DIAPH3: variants seen among roughly 807,000 people sequenced by gnomAD.
DIAPH3 encodes protein diaphanous homolog 3.
A neutral mutation model predicts 144.3 loss-of-function variants in DIAPH3; 117 were observed. The ratio of observed to expected loss-of-function variants is 0.81; its 90% CI spans 0.70 to 0.95. DIAPH3 has a LOEUF of 0.95. Among genes scored for constraint, DIAPH3 ranks in the 40% least tolerant of loss-of-function variants. DIAPH3 has a pLI of 0.00. For synonymous variants in DIAPH3, 519 were observed against 488.9 expected (o/e 1.06, Z -0.81); for missense variants, 1,421 against 1,412.7 (o/e 1.01, Z -0.09).
At position 59,906,368 on chromosome 13, in the gene DIAPH3, C is replaced by T. The variant is rs150957660; in HGVS notation, c.2367+5367G>A. Among the ~76,000 whole-genome samples the T allele has an allele frequency of 9.2e-5, 14 of 152,076 alleles. No homozygotes were observed. The East Asian group carries it at 2.5e-3, about 27-fold the overall frequency. ...GAACATGCATACATTGGTAAATACACAGAAATGGAATTAGAAGTACAACAG... is the reference window on the plus strand; with the variant it reads ...GAACATGCATACATTGGTAAATACATAGAAATGGAATTAGAAGTACAACAG... On this transcript the variant is annotated intron_variant, in intron 20 of 27. Coordinates refer to ENST00000400324, the MANE Select transcript of DIAPH3 (RefSeq NM_001042517.2).
intron 5 of DIAPH3, among the ~76,000 whole-genome samples, chr13:60,029,429 C>T (rs1368285614): frequency 6.6e-6 from 1 of 152,140 alleles, no homozygotes; most frequent in Non-Finnish European, 1.5e-5. Context: ...ACCCAAATCT[C>T]ACCTCAAATT....
intron 27 of DIAPH3, among the ~76,000 whole-genome samples, chr13:59,728,745 A>G (rs1192524940): frequency 2.0e-5 from 3 of 152,178 alleles, no homozygotes; most frequent in Non-Finnish European, 4.4e-5. Flanking sequence ...GATATATTTA[A>G]CTTTTACCAA....
chr13:60,101,225 C>T (rs2058258544), intron 3 of DIAPH3, among the ~76,000 whole-genome samples: 1 of 152,162 alleles, frequency 6.6e-6, no homozygotes, highest in South Asian at 2.1e-4. Context: ...TGTAAGTTGA[C>T]CATGGTTCTT....
intron 4 of DIAPH3, among the ~76,000 whole-genome samples, chr13:60,077,833 G>A (rs189353866): frequency 7.0e-4 from 106 of 152,074 alleles, no homozygotes; most frequent in Non-Finnish European, 1.1e-3. Flanking sequence ...CTAAATATAC[G>A]CCCCATTATC....
At position 59,855,792 on chromosome 13, in the gene DIAPH3, A is replaced by G. The variant is rs528009888; in HGVS notation, c.2737+5615T>C. On this transcript the variant is annotated intron_variant, in intron 22 of 27. Coordinates refer to ENST00000400324, the MANE Select transcript of DIAPH3 (RefSeq NM_001042517.2). The stretch of plus-strand genomic sequence containing the variant: ...CTTACTTTTGGAAAGGTGTCAAGAG[A>G]TAACTCAGAGTGTTACTAATGTTTA... Among the ~76,000 whole-genome samples the G allele has an allele frequency of 2.0e-5, 3 of 152,072 alleles. No homozygotes were observed. The East Asian group carries it at 5.8e-4, about 29-fold the overall frequency.
At chr13:59,854,528 T>C (rs2043156088) in intron 22 of DIAPH3, among the ~76,000 whole-genome samples, 1 of 152,184 alleles carries the variant, frequency 6.6e-6, no homozygotes, top group African/African-American at 2.4e-5. Flanking sequence ...TTGCCATTAA[T>C]GTGTTTGCTC....
At chr13:60,117,054 A>C (rs2058721917) in intron 2 of DIAPH3, among the ~76,000 whole-genome samples, 1 of 152,074 alleles carries the variant, frequency 6.6e-6, no homozygotes, top group Admixed American at 6.5e-5. Flanking sequence ...CAAAGGAAAA[A>C]AATCAGCCAT....
chr13:60,088,644 C>T (rs919420410), intron 4 of DIAPH3, among the ~76,000 whole-genome samples: 1 of 152,110 alleles, frequency 6.6e-6, no homozygotes, highest in East Asian at 1.9e-4. Flanking sequence ...GGGAGGGGGA[C>T]AGGGTCTCAC....
At chr13:59,946,649 G>A (rs2048810816) in intron 17 of DIAPH3, among the ~76,000 whole-genome samples, 1 of 152,132 alleles carries the variant, frequency 6.6e-6, no homozygotes, top group Non-Finnish European at 1.5e-5. Flanking sequence ...TGTTGCTGAT[G>A]AGTACTGGCC....
At chr13:59,839,219 G>T in intron 23 of DIAPH3, 105 bp downstream of exon 23, 1 of 1,367,816 alleles carries the variant, frequency 7.3e-7, no homozygotes, top group Non-Finnish European at 1.0e-6. Context: ...TCTGTAATTT[G>T]GCACTACAGA....
At chr13:59,775,973 GC>G (rs1329951652) in intron 25 of DIAPH3, among the ~76,000 whole-genome samples, 1 of 152,160 alleles carries the variant, frequency 6.6e-6, no homozygotes, top group African/African-American at 2.4e-5. Context: ...GGAACTACTG[GC>G]CCAAACCAAA....
intron 20 of DIAPH3, among the ~76,000 whole-genome samples, chr13:59,893,657 A>G (rs1247089903): frequency 3.3e-5 from 5 of 152,094 alleles, no homozygotes. Flanking sequence ...AGGGGTAGAG[A>G]TACAGACAGT....
chr13:59,670,437 C>G (rs933364338), intron 27 of DIAPH3, among the ~76,000 whole-genome samples: 1 of 152,142 alleles, frequency 6.6e-6, no homozygotes, highest in Non-Finnish European at 1.5e-5. Flanking sequence ...TGGTTTGTCT[C>G]CAGACATGGG....
intron 20 of DIAPH3, among the ~76,000 whole-genome samples, chr13:59,883,238 C>T (rs1377926144): frequency 6.6e-6 from 1 of 152,050 alleles, no homozygotes; most frequent in Non-Finnish European, 1.5e-5. Context: ...GATGTAATCT[C>T]TCAAAATCTC....
chr13:59,987,855 T>C (rs2051527301), intron 12 of DIAPH3, among the ~76,000 whole-genome samples: 1 of 151,330 alleles, frequency 6.6e-6, no homozygotes, highest in African/African-American at 2.4e-5. Context: ...ATAAAACAGA[T>C]AAAAGATTTT....
chr13:59,898,170 GA>G (rs923415444), intron 20 of DIAPH3, among the ~76,000 whole-genome samples: 6 of 131,774 alleles, frequency 4.6e-5, no homozygotes, highest in Non-Finnish European at 6.6e-5. Flanking sequence ...AAAGAAAAAA[GA>G]AAAAAAAAGA....
In DIAPH3 at chr13:59,732,068, T is replaced by C. The variant is rs565189201; in HGVS notation, c.3319+42121A>G. ...ATATTCTTAATATAGCCAAAGCGAG[T>C]TAATCTCTTATTCTGACCCTCATTG... On this transcript the variant is annotated intron_variant, in intron 27 of 27. Transcript: ENST00000400324. Among the ~76,000 whole-genome samples the C allele has an allele frequency of 9.9e-5, 15 of 152,206 alleles. No homozygotes were observed. In the South Asian group the frequency reaches 3.1e-3, roughly 32 times the overall value.
At position 60,057,783 on chromosome 13, in the gene DIAPH3, A is replaced by C. The variant is rs984905746; in HGVS notation, c.496-14963T>G. Among the ~76,000 whole-genome samples the C allele has an allele frequency of 7.2e-5, 11 of 152,036 alleles. 1 individual carries two copies. Among genetic ancestry groups the C allele is most frequent in the Non-Finnish European group, 1.5e-5 (1 of 67,938 alleles). On this transcript the variant is annotated intron_variant, in intron 4 of 27. Transcript: ENST00000400324. ...GATCATCAACAAAGCATACAAAAAC[A>C]TAAATTGGAGAAAGGACACCTTATT...
At chr13:59,787,097 T>C (rs1316844706) in intron 25 of DIAPH3, among the ~76,000 whole-genome samples, 1 of 152,146 alleles carries the variant, frequency 6.6e-6, no homozygotes, top group Non-Finnish European at 1.5e-5. Flanking sequence ...TGAGACCTTG[T>C]CTCAATAACA....
Sources: allele counts gnomAD v4.1 joint callset (sites outside exome capture counted in the v4.1 genomes callset), GRCh38; gene constraint gnomAD v4.1.1; transcripts MANE v1.5; gene names NCBI Gene and HGNC (gene_info 2026-07-23, HGNC 2026-07-21).